Variants in FBXL13 observed in about 807,000 individuals in gnomAD.
FBXL13 encodes F-box and leucine rich repeat protein 13.
In FBXL13, 67 loss-of-function variants were observed where a neutral mutation model predicts 83.6. The ratio of observed to expected loss-of-function variants is 0.80; its 90% CI spans 0.66 to 0.98. The LOEUF (loss-of-function observed/expected upper bound fraction) is 0.98. FBXL13 is among the 50% of genes least tolerant of loss of function. The pLI, the probability that FBXL13 is intolerant of heterozygous loss-of-function variation, is 0.00. For missense variants in FBXL13, 822 were observed against 866.5 expected, an observed-to-expected ratio of 0.95 and a Z score of 0.64; for synonymous variants, 272 against 299.5, an observed-to-expected ratio of 0.91 and a Z score of 0.95.
At chr7:102,913,828 G>A (rs1011765108) in intron 10 of FBXL13, among the ~76,000 whole-genome samples, 5 of 152,192 alleles carry the variant, frequency 3.3e-5, no homozygotes, top group Admixed American at 1.3e-4. Context: ...CAGAGTTTAA[G>A]CATGGATTAA....
chr7:102,969,173 A>G (rs773511457), intron 6 of FBXL13, among the ~76,000 whole-genome samples: 1 of 152,208 alleles, frequency 6.6e-6, no homozygotes, highest in Non-Finnish European at 1.5e-5. Context: ...TCCTCCATTG[A>G]TAAGTGCCCT....
intron 6 of FBXL13, among the ~76,000 whole-genome samples, chr7:103,009,542 T>C (rs544071811): frequency 1.3e-5 from 2 of 152,342 alleles, no homozygotes; most frequent in South Asian, 2.1e-4. Flanking sequence ...TATCACACTT[T>C]AGACTGAGGC....
At chr7:102,871,585 G>A (rs576910853) in intron 16 of FBXL13, among the ~76,000 whole-genome samples, 1 of 151,698 alleles carries the variant, frequency 6.6e-6, no homozygotes, top group African/African-American at 2.4e-5. Context: ...TAGAGATGGG[G>A]TTGTGTCACG....
intron 6 of FBXL13, among the ~76,000 whole-genome samples, chr7:103,002,217 A>G (rs1371471288): frequency 6.6e-6 from 1 of 152,192 alleles, no homozygotes; most frequent in Non-Finnish European, 1.5e-5. Flanking sequence ...TACAAAAAAA[A>G]TCTTATAGAA....
chr7:102,881,198 C>G (rs1810009867), intron 14 of FBXL13, among the ~76,000 whole-genome samples: 1 of 152,038 alleles, frequency 6.6e-6, no homozygotes, highest in African/African-American at 2.4e-5. Context: ...GTAATCCCAG[C>G]ACTTTGGGAG....
chr7:102,838,087 G>A (rs1198730875), intron 17 of FBXL13, among the ~76,000 whole-genome samples: 5 of 152,250 alleles, frequency 3.3e-5, no homozygotes, highest in East Asian at 3.9e-4. Flanking sequence ...CTTCTCACTC[G>A]GTTCAGTAAC....
intron 6 of FBXL13, among the ~76,000 whole-genome samples, chr7:102,986,905 A>G (rs1300767941): frequency 1.6e-5 from 2 of 127,192 alleles, no homozygotes; most frequent in African/African-American, 5.9e-5. Flanking sequence ...ATGAGTAGAT[A>G]AAGAAAATGT....
intron 11 of FBXL13, among the ~76,000 whole-genome samples, chr7:102,887,195 G>A (rs1333337169): frequency 6.6e-6 from 1 of 152,138 alleles, no homozygotes; most frequent in Admixed American, 6.5e-5. Context: ...CAGCAGCATA[G>A]GCATCACCTG....
intron 19 of FBXL13, among the ~76,000 whole-genome samples, chr7:102,820,464 T>G (rs1416381096): frequency 1.3e-5 from 2 of 151,908 alleles, no homozygotes; most frequent in Admixed American, 6.5e-5. Flanking sequence ...CTTGTTTTAT[T>G]TTTTTTGCAC....
chr7:102,988,493 C>CTTCA (rs757298977), intron 6 of FBXL13: 2 of 152,290 alleles, frequency 1.3e-5, no homozygotes, highest in East Asian at 3.9e-4. Context: ...AAAACCCAAA[C>CTTCA]AGATCAGCCA....
intron 8 of FBXL13, among the ~76,000 whole-genome samples, chr7:102,957,763 C>T (rs1824521795): frequency 6.6e-6 from 1 of 152,124 alleles, no homozygotes; most frequent in Non-Finnish European, 1.5e-5. Flanking sequence ...GATATCTATG[C>T]AGCCAACAGA....
intron 18 of FBXL13, among the ~76,000 whole-genome samples, chr7:102,827,954 G>A (rs1049246446): frequency 1.3e-5 from 2 of 151,992 alleles, no homozygotes; most frequent in Non-Finnish European, 2.9e-5. Context: ...CTCTGTTTTG[G>A]TACCAGTACC....
intron 6 of FBXL13, among the ~76,000 whole-genome samples, chr7:103,004,490 GAGA>G (rs1256827079): frequency 2.0e-5 from 3 of 152,190 alleles, no homozygotes. Flanking sequence ...CTAAGATAAA[GAGA>G]AGAATTTCAA....
intron 6 of FBXL13, among the ~76,000 whole-genome samples, chr7:103,020,754 T>C (rs1422055237): frequency 1.3e-5 from 2 of 152,008 alleles, no homozygotes; most frequent in Admixed American, 1.3e-4. Context: ...GAGAATAAAA[T>C]ACCTAGGAAT....
intron 17 of FBXL13, among the ~76,000 whole-genome samples, chr7:102,847,189 C>T (rs1428558828): frequency 6.6e-6 from 1 of 151,650 alleles, no homozygotes; most frequent in Non-Finnish European, 1.5e-5. Flanking sequence ...AACTACCTGA[C>T]CCTTCAAAAC....
chr7:102,832,518 G>C (rs1019871193), intron 18 of FBXL13, among the ~76,000 whole-genome samples: 1 of 152,200 alleles, frequency 6.6e-6, no homozygotes, highest in Admixed American at 6.5e-5. Flanking sequence ...TCTTTCATCA[G>C]TTCCTACAAA....
At chr7:102,993,160 C>T (rs1035125714) in intron 6 of FBXL13, among the ~76,000 whole-genome samples, 1 of 152,194 alleles carries the variant, frequency 6.6e-6, no homozygotes, top group Non-Finnish European at 1.5e-5. Flanking sequence ...CCACTGTCTG[C>T]ATTGGTGAAA....
At chr7:103,062,253 C>A (rs1251152118) in intron 1 of FBXL13, among the ~76,000 whole-genome samples, 3 of 151,948 alleles carry the variant, frequency 2.0e-5, no homozygotes, top group African/African-American at 7.3e-5. Context: ...ATCTTTGGTC[C>A]CTGTGGGGCA....
chr7:103,060,051 T>TATATACATATATATATACAC (rs1563286575), intron 1 of FBXL13, among the ~76,000 whole-genome samples: 4 of 110,696 alleles, frequency 3.6e-5, no homozygotes, highest in African/African-American at 1.7e-4. Flanking sequence ...TATATATATA[T>TATATACATATATATATACAC]ATATATATAT....
Sources: gnomAD v4.1 joint callset for allele counts (sites outside exome capture counted in the v4.1 genomes callset) on GRCh38, gnomAD v4.1.1 for gene constraint, MANE v1.5 for transcripts, NCBI Gene and HGNC (gene_info 2026-07-23, HGNC 2026-07-21) for gene names.